RNF144A: variants seen among roughly 807,000 people sequenced by gnomAD.
RNF144A encodes ring finger protein 144A, also known as E3 ubiquitin-protein ligase RNF144A.
RNF144A carries 11 observed loss-of-function variants against 38.7 expected under a neutral mutation model. The observed-to-expected ratio is 0.28, with a 90% CI of 0.18 to 0.47. The LOEUF (loss-of-function observed/expected upper bound fraction) is 0.47. RNF144A is among the 20% of genes least tolerant of loss of function. The probability of loss-of-function intolerance (pLI) is 0.99; values close to 1 mark genes in which losing one functional copy is unlikely to be tolerated. For missense variants in RNF144A, 316 were observed against 377.2 expected, an observed-to-expected ratio of 0.84 and a Z score of 1.34; for synonymous variants, 149 against 143.9, an observed-to-expected ratio of 1.04 and a Z score of -0.25.
intron 1 of RNF144A, among the ~76,000 whole-genome samples, chr2:6,931,162 T>G (rs1252911071): frequency 6.6e-6 from 1 of 152,200 alleles, no homozygotes; most frequent in Non-Finnish European, 1.5e-5. Context: ...GCGGTCGTGG[T>G]CAGTGCTTGA....
At chr2:6,979,267 G>T (rs751729488) in intron 2 of RNF144A, among the ~76,000 whole-genome samples, 2 of 152,224 alleles carry the variant, frequency 1.3e-5, no homozygotes, top group Non-Finnish European at 2.9e-5. Flanking sequence ...CTTCCTCACA[G>T]GGAGGGTGGG....
intron 7 of RNF144A, among the ~76,000 whole-genome samples, chr2:7,029,664 T>C (rs984135227): frequency 6.6e-6 from 1 of 152,224 alleles, no homozygotes; most frequent in African/African-American, 2.4e-5. Flanking sequence ...ATCCCAGGAA[T>C]AGCCCTGTCA....
At chr2:6,963,534 G>C (rs907865238) in intron 2 of RNF144A, among the ~76,000 whole-genome samples, 1 of 152,036 alleles carries the variant, frequency 6.6e-6, no homozygotes, top group Non-Finnish European at 1.5e-5. Flanking sequence ...GGATGTGTGA[G>C]GTATGCTTAG....
chr2:7,022,995 T>C (rs530022095), intron 6 of RNF144A, among the ~76,000 whole-genome samples: 7 of 152,376 alleles, frequency 4.6e-5, no homozygotes, highest in East Asian at 1.9e-4. Flanking sequence ...CTGGTACTTA[T>C]GTGCTGGATT....
Position 7,040,956 on chromosome 2 carries a change from A to T in RNF144A, c.*1196A>T. 1 of 985,416 alleles carries T rather than the reference A, an allele frequency of 1.0e-6. No individual in the cohort carries two copies. The highest frequency in any genetic ancestry group is 1.2e-6 in the Non-Finnish European group (1 of 829,916). The allele number at this position is 985,416 out of a possible 1,614,324, so 61.0% of individuals were successfully genotyped here. On this transcript the variant is annotated 3_prime_UTR_variant, in exon 9 of 9. Coordinates refer to ENST00000320892, the MANE Select transcript of RNF144A (RefSeq NM_014746.6). ...ATCTTTTACAGGGCTGTCTGTGACC[A>T]TTTCCATGGCAGCAGGATGCAGGGA...
chr2:7,052,699 T>G (rs1006707702), intron 6 of RNF144A, among the ~76,000 whole-genome samples: 1 of 152,166 alleles, frequency 6.6e-6, no homozygotes, highest in African/African-American at 2.4e-5. Flanking sequence ...GTGACCCCCA[T>G]GCTGAGAGCA....
intron 2 of RNF144A, among the ~76,000 whole-genome samples, chr2:6,959,174 C>T (rs1013716821): frequency 3.3e-5 from 5 of 152,176 alleles, no homozygotes; most frequent in East Asian, 1.9e-4. Context: ...ACATCAGAAG[C>T]GCCCTGGCTT....
chr2:6,948,214 G>A (rs1311316282), intron 2 of RNF144A, among the ~76,000 whole-genome samples: 5 of 152,202 alleles, frequency 3.3e-5, no homozygotes, highest in Non-Finnish European at 5.9e-5. Context: ...TGGTGCTGCA[G>A]GGCTGCAGGA....
At chr2:6,980,516 A>C (rs1347587728) in intron 2 of RNF144A, among the ~76,000 whole-genome samples, 1 of 152,244 alleles carries the variant, frequency 6.6e-6, no homozygotes, top group African/African-American at 2.4e-5. Flanking sequence ...TAAAGCTCCA[A>C]AATCACTTTT....
chr2:6,951,719 G>T (rs1312767852), intron 2 of RNF144A, among the ~76,000 whole-genome samples: 1 of 152,020 alleles, frequency 6.6e-6, no homozygotes, highest in Non-Finnish European at 1.5e-5. Flanking sequence ...TATACCCTTG[G>T]AAATGGAATC....
intron 3 of RNF144A, among the ~76,000 whole-genome samples, chr2:7,005,332 C>G (rs535470271): frequency 6.6e-6 from 1 of 152,280 alleles, no homozygotes; most frequent in South Asian, 2.1e-4. Flanking sequence ...CGAGGACCAT[C>G]GGTGGGCTTC....
intron 6 of RNF144A, among the ~76,000 whole-genome samples, chr2:7,021,818 T>C (rs1671551346): frequency 6.6e-6 from 1 of 152,258 alleles, no homozygotes; most frequent in Non-Finnish European, 1.5e-5. Flanking sequence ...GTACTTATAC[T>C]TCACGTGTAC....
chr2:7,045,742 G>C (rs186818780), downstream of RNF144A, among the ~76,000 whole-genome samples: 1 of 152,204 alleles, frequency 6.6e-6, no homozygotes, highest in Non-Finnish European at 1.5e-5. Context: ...CTCTGAGTGG[G>C]CTGTCTGGCC....
At chr2:7,063,958 G>C (rs1313254694) in intron 6 of RNF144A, among the ~76,000 whole-genome samples, 3 of 152,176 alleles carry the variant, frequency 2.0e-5, no homozygotes, top group Non-Finnish European at 4.4e-5. Flanking sequence ...AAGTCCAAGA[G>C]CGTGGCACCA....
intron 1 of RNF144A, among the ~76,000 whole-genome samples, chr2:6,927,384 G>GT (rs1222621655): frequency 4.6e-5 from 7 of 152,142 alleles, no homozygotes; most frequent in Non-Finnish European, 2.9e-5. Flanking sequence ...CAGTGACCTT[G>GT]TTTTTTTTCT....
downstream of RNF144A, among the ~76,000 whole-genome samples, chr2:7,070,297 A>T (rs1033860891): frequency 2.0e-5 from 3 of 152,138 alleles, no homozygotes; most frequent in Admixed American, 6.5e-5. Context: ...CAGCCTCCCG[A>T]GTAGCTGTGA....
chr2:6,965,358 G>A (rs1032375661), intron 2 of RNF144A, among the ~76,000 whole-genome samples: 2 of 152,196 alleles, frequency 1.3e-5, no homozygotes, highest in South Asian at 4.1e-4. Context: ...CACCACACAT[G>A]TGAAGGCAGG....
intron 1 of RNF144A, among the ~76,000 whole-genome samples, chr2:6,939,717 G>T (rs1483997640): frequency 1.3e-5 from 2 of 151,526 alleles, no homozygotes; most frequent in African/African-American, 4.8e-5. Flanking sequence ...TTATATTTAG[G>T]TCTATGATTC....
intron 3 of RNF144A, among the ~76,000 whole-genome samples, chr2:7,013,942 G>A (rs1299742504): frequency 6.6e-6 from 1 of 152,166 alleles, no homozygotes; most frequent in East Asian, 1.9e-4. Flanking sequence ...GCAAGCTTGG[G>A]TTCACATCGA....
Sources: allele counts gnomAD v4.1 joint callset (sites outside exome capture counted in the v4.1 genomes callset), GRCh38; gene constraint gnomAD v4.1.1; transcripts MANE v1.5; gene names NCBI Gene and HGNC (gene_info 2026-07-23, HGNC 2026-07-21).